SLC9B1: variants seen among roughly 807,000 people sequenced by gnomAD.
The protein encoded by SLC9B1 is solute carrier family 9 member B1, also known as sodium/hydrogen exchanger 9B1.
SLC9B1 carries 32 observed loss-of-function variants against 51.7 expected under a neutral mutation model. That is an observed-to-expected ratio of 0.62 (90% CI 0.47 to 0.83). The LOEUF is 0.83. Among genes scored for constraint, SLC9B1 ranks in the 40% least tolerant of loss-of-function variants. The pLI, the probability that SLC9B1 is intolerant of heterozygous loss-of-function variation, is 0.00. For synonymous variants in SLC9B1, 145 were observed against 212.7 expected (o/e 0.68, Z 2.77); for missense variants, 406 against 613.2 (o/e 0.66, Z 3.57).
intron 7 of SLC9B1, among the ~76,000 whole-genome samples, chr4:102,924,945 A>G (rs1353311537): frequency 6.6e-6 from 1 of 152,228 alleles, no homozygotes; most frequent in Non-Finnish European, 1.5e-5. Context: ...GAATGCTTTT[A>G]CACTGTTGGT....
rs190212874 is a variant in SLC9B1 at position 102,885,207 on chromosome 4, C to A, written c.*26G>T. 1.2e-4 allele frequency: 201 copies of A among 1,609,040 alleles called. 1 individual carries two copies. In the African/African-American group the frequency reaches 2.5e-3, roughly 20 times the overall value. ...AGCACTGCAGATTCTGACACATCTA[C>A]ATGTTTAGTTTCAGAATGGCTTCGG... On this transcript the variant is annotated 3_prime_UTR_variant, in exon 12 of 12. Transcript: ENST00000394789.
Position 102,911,156 on chromosome 4 carries a change from T to C in SLC9B1, c.936+275A>G, listed in dbSNP as rs116602883. Among the ~76,000 whole-genome samples the C allele has an allele frequency of 5.0e-3, 755 of 152,270 alleles. 4 individuals carry two copies. Among genetic ancestry groups the C allele is most frequent in the African/African-American group, 0.017 (711 of 41,564 alleles). On this transcript the variant is annotated intron_variant, in intron 8 of 11. Coordinates refer to ENST00000296422, the MANE Select transcript of SLC9B1 (RefSeq NM_139173.4). ...AATTATCAAACATCAGTAGGCAGTTTAGTAGAGAAAGGGAAAGTATAATTC... is the reference window on the plus strand; with the variant it reads ...AATTATCAAACATCAGTAGGCAGTTCAGTAGAGAAAGGGAAAGTATAATTC...
intron 11 of SLC9B1, among the ~76,000 whole-genome samples, chr4:102,895,139 T>C (rs1004075659): frequency 1.3e-5 from 2 of 152,104 alleles, no homozygotes; most frequent in Non-Finnish European, 2.9e-5. Flanking sequence ...TATAGAACTA[T>C]TGGAATTGAT....
intron 7 of SLC9B1, 101 bp from the exon 8 acceptor site, chr4:102,911,638 A>G: frequency 1.5e-6 from 1 of 671,448 alleles, no homozygotes; most frequent in East Asian, 2.7e-5. Flanking sequence ...AAAAGTAAGC[A>G]TTTTATAGAA....
intron 4 of SLC9B1, among the ~76,000 whole-genome samples, chr4:102,948,629 A>C (rs1737389557): frequency 6.6e-6 from 1 of 152,228 alleles, no homozygotes; most frequent in Non-Finnish European, 1.5e-5. Flanking sequence ...AATGCTATGC[A>C]TTCATAAAAA....
rs139970500 is a variant in SLC9B1, at chr4:102,901,426, T to C, written c.1333-94A>G. 4,893 of 1,397,490 alleles carry C rather than the reference T, an allele frequency of 3.5e-3. 39 individuals carry two copies. In the African/African-American group the frequency reaches 0.05, roughly 14 times the overall value. 86.6% of individuals were successfully genotyped at this position (1,397,490 alleles called of 1,614,324 possible). On this transcript the variant is annotated intron_variant, in intron 11 of 11. Transcript: ENST00000296422. ...CTCTGTTAAAATAAACAAAATCTAG[T>C]ACTAGACTATTAGAAAAAAAAAGTA...
At chr4:103,001,303 A>G (rs890971552) in intron 1 of SLC9B1, among the ~76,000 whole-genome samples, 1 of 152,154 alleles carries the variant, frequency 6.6e-6, no homozygotes, top group Non-Finnish European at 1.5e-5. Flanking sequence ...TATTTTCCCC[A>G]TTCTCCTCAT....
Position 102,969,751 on chromosome 4 carries a change from G to C in SLC9B1, c.211+20049C>G, listed in dbSNP as rs145442426. On this transcript the variant is annotated intron_variant, in intron 3 of 11. Coordinates refer to ENST00000296422, the MANE Select transcript of SLC9B1 (RefSeq NM_139173.4). ...AGCTAAAAACCTTGAACAACGATTA[G>C]ATGAATGGCTAACTAGAATAAACAA... Among the ~76,000 whole-genome samples, 339 of 152,290 alleles carry C rather than the reference G, an allele frequency of 2.2e-3. 2 individuals carry two copies. Among genetic ancestry groups the C allele is most frequent in the Admixed American group, 4.0e-3 (61 of 15,304 alleles).
At chr4:103,003,645 T>A (rs966940587) in intron 1 of SLC9B1, among the ~76,000 whole-genome samples, 3 of 152,064 alleles carry the variant, frequency 2.0e-5, no homozygotes, top group Non-Finnish European at 2.9e-5. Context: ...CATGCAAAGA[T>A]CCTCTTGCCA....
intron 7 of SLC9B1, among the ~76,000 whole-genome samples, chr4:102,919,450 C>A (rs750758982): frequency 1.3e-5 from 2 of 152,134 alleles, no homozygotes; most frequent in African/African-American, 4.8e-5. Context: ...CCAAGATGGC[C>A]AAATAGGAAC....
chr4:103,005,663 A>T (rs113783480), intron 1 of SLC9B1, among the ~76,000 whole-genome samples: 3 of 152,332 alleles, frequency 2.0e-5, no homozygotes, highest in African/African-American at 7.2e-5. Context: ...CATTATTCTC[A>T]TCTGCACATG....
At chr4:102,930,291 G>C (rs1417807817) in intron 7 of SLC9B1, among the ~76,000 whole-genome samples, 1 of 152,094 alleles carries the variant, frequency 6.6e-6, no homozygotes, top group Non-Finnish European at 1.5e-5. Context: ...TGATATTGTG[G>C]CAATTTGTTT....
At position 102,901,111 on chromosome 4, in the gene SLC9B1, A is replaced by G. The variant is rs745688043; in HGVS notation, c.*6T>C. On this transcript the variant is annotated 3_prime_UTR_variant, in exon 12 of 12. Transcript: ENST00000296422. Reference sequence around the variant, plus strand: ...AGAAGCAGGCAGATGATGACAGGTAAACTTTTTAATGATGTTCTAATGTTG... The same window carrying G: ...AGAAGCAGGCAGATGATGACAGGTAGACTTTTTAATGATGTTCTAATGTTG... 1.6e-5 allele frequency: 25 copies of G among 1,610,540 alleles called. No homozygotes were observed. The highest frequency in any genetic ancestry group is 2.1e-5 in the Non-Finnish European group (25 of 1,179,634).
intron 7 of SLC9B1, among the ~76,000 whole-genome samples, chr4:102,917,010 G>A (rs1370499089): frequency 6.6e-6 from 1 of 152,236 alleles, no homozygotes; most frequent in Non-Finnish European, 1.5e-5. Context: ...GCAATTGGTT[G>A]CAAGTGTGGC....
At chr4:103,008,563 G>A (rs991727782) in intron 1 of SLC9B1, among the ~76,000 whole-genome samples, 4 of 151,122 alleles carry the variant, frequency 2.6e-5, no homozygotes, top group East Asian at 3.9e-4. Context: ...TTTATTTTTT[G>A]GAAGAGATGG....
chr4:102,925,132 A>G (rs181030665), intron 7 of SLC9B1, among the ~76,000 whole-genome samples: 1,653 of 152,344 alleles, frequency 0.011, 21 homozygotes, highest in African/African-American at 0.037. Context: ...ACTATTCACA[A>G]TAGTAAAGAC....
intron 3 of SLC9B1, among the ~76,000 whole-genome samples, chr4:102,983,061 A>G (rs1279705171): frequency 1.3e-5 from 2 of 152,054 alleles, no homozygotes; most frequent in African/African-American, 4.8e-5. Context: ...TTTCCACTCT[A>G]TTCTAGCTTG....
intron 1 of SLC9B1, among the ~76,000 whole-genome samples, chr4:103,012,928 C>T (rs1034097052): frequency 2.0e-5 from 3 of 152,170 alleles, no homozygotes; most frequent in Non-Finnish European, 2.9e-5. Context: ...CCCTCATGAC[C>T]TAACCATTTC....
chr4:102,893,299 AAAAAAAGAAAAAG>A (rs1734360475), intron 11 of SLC9B1, among the ~76,000 whole-genome samples: 1 of 147,930 alleles, frequency 6.8e-6, no homozygotes, highest in African/African-American at 2.5e-5. Flanking sequence ...AAAAAAAAAA[AAAAAAAGAAAAAG>A]AAAAAAGAAA....
Sources: allele counts gnomAD v4.1 joint callset (sites outside exome capture counted in the v4.1 genomes callset), GRCh38; gene constraint gnomAD v4.1.1; transcripts MANE v1.5; gene names NCBI Gene and HGNC (gene_info 2026-07-23, HGNC 2026-07-21).